The following CNTNAP2 variants were observed in gnomAD, a reference collection of about 807,000 sequenced individuals.
The protein encoded by CNTNAP2 is contactin associated protein 2.
CNTNAP2 carries 98 observed loss-of-function variants against 155.2 expected under a neutral mutation model. That is an observed-to-expected ratio of 0.63 (90% CI 0.54 to 0.75). The LOEUF is 0.75. Among genes scored for constraint, CNTNAP2 ranks in the 30% least tolerant of loss-of-function variants. The probability of loss-of-function intolerance (pLI) is 0.00; values close to 1 mark genes in which losing one functional copy is unlikely to be tolerated. For synonymous variants in CNTNAP2, 651 were observed against 631.2 expected (o/e 1.03, Z -0.47); for missense variants, 1,727 against 1,688.1 (o/e 1.02, Z -0.40).
At chr7:146,318,328 G>A (rs1008563375) in intron 1 of CNTNAP2, among the ~76,000 whole-genome samples, 13 of 151,966 alleles carry the variant, frequency 8.6e-5, no homozygotes, top group African/African-American at 2.7e-4. Context: ...AAAATAAAAA[G>A]CTTTCATCTT....
intron 1 of CNTNAP2, among the ~76,000 whole-genome samples, chr7:146,534,111 G>C (rs1243901886): frequency 6.6e-6 from 1 of 152,002 alleles, no homozygotes; most frequent in Non-Finnish European, 1.5e-5. Context: ...TCAAATGACT[G>C]ACTTGCTGCA....
Position 146,637,383 on chromosome 7 carries a change from A to G in CNTNAP2, c.98-136888A>G, listed in dbSNP as rs562185224. On this transcript the variant is annotated intron_variant, in intron 1 of 23. Transcript: ENST00000361727. The stretch of plus-strand genomic sequence containing the variant: ...TTGACAAGATATCTCTTAACATAAC[A>G]TGCATAGCCAAGTTCCTTGTGTCAC... 4.6e-5 allele frequency among the ~76,000 whole-genome samples: 7 copies of G among 152,334 alleles called. No homozygotes were observed. The South Asian group carries it at 1.4e-3, about 32-fold the overall frequency.
At chr7:146,872,763 A>G (rs1280242571) in intron 3 of CNTNAP2, among the ~76,000 whole-genome samples, 1 of 152,202 alleles carries the variant, frequency 6.6e-6, no homozygotes, top group Non-Finnish European at 1.5e-5. Context: ...CAAATTGTTC[A>G]AGGAAGTTCT....
intron 3 of CNTNAP2, among the ~76,000 whole-genome samples, chr7:146,878,726 G>A (rs927869739): frequency 4.6e-5 from 7 of 151,744 alleles, no homozygotes; most frequent in African/African-American, 9.7e-5. Context: ...CAGCTTTCTC[G>A]CTGCTTCTCA....
At chr7:146,132,619 T>A (rs1409516811) in intron 1 of CNTNAP2, among the ~76,000 whole-genome samples, 6 of 139,264 alleles carry the variant, frequency 4.3e-5, no homozygotes, top group Non-Finnish European at 9.1e-5. Context: ...CCTGTGTCCA[T>A]GTGATCTCAT....
At chr7:148,354,740 C>G (rs929471494) in intron 21 of CNTNAP2, among the ~76,000 whole-genome samples, 1 of 151,598 alleles carries the variant, frequency 6.6e-6, no homozygotes, top group Admixed American at 6.6e-5. Context: ...CTGAAAATAA[C>G]CCAACTTTCT....
intron 1 of CNTNAP2, among the ~76,000 whole-genome samples, chr7:146,678,936 A>G (rs1315618842): frequency 6.6e-6 from 1 of 152,202 alleles, no homozygotes; most frequent in African/African-American, 2.4e-5. Flanking sequence ...TATAAAATTT[A>G]TGGCAACTTG....
chr7:147,067,811 A>G (rs1319066290), intron 4 of CNTNAP2, among the ~76,000 whole-genome samples: 3 of 152,200 alleles, frequency 2.0e-5, no homozygotes, highest in African/African-American at 7.2e-5. Flanking sequence ...TGCCACACTT[A>G]CCTAATCCTC....
intron 13 of CNTNAP2, among the ~76,000 whole-genome samples, chr7:147,791,207 C>A (rs78002801): frequency 0.012 from 1,874 of 152,090 alleles, 22 homozygotes; most frequent in Non-Finnish European, 0.021. Context: ...TCAGTAAAGC[C>A]AGTTTCTCCT....
At chr7:147,085,892 C>T (rs745538022) in intron 4 of CNTNAP2, 6 of 152,112 alleles carry the variant, frequency 3.9e-5, no homozygotes, top group Non-Finnish European at 8.8e-5. Context: ...CCTGTGTGTT[C>T]CTGTAGAAAT....
intron 1 of CNTNAP2, among the ~76,000 whole-genome samples, chr7:146,341,521 A>G (rs10260495): frequency 0.12 from 18,261 of 152,138 alleles, 2,046 homozygotes; most frequent in African/African-American, 0.3. Flanking sequence ...AACAGTTGCG[A>G]CAATTTTGTG....
Position 147,437,033 on chromosome 7 carries a change from G to C in CNTNAP2, c.1670+41253G>C, listed in dbSNP as rs1003339595. Reference sequence around the variant, plus strand: ...GGGACCTAGAGTCAGGAGGAAGCCTGTATAAAGTTTAGTCCAGCTGAGGGA... The same window carrying C: ...GGGACCTAGAGTCAGGAGGAAGCCTCTATAAAGTTTAGTCCAGCTGAGGGA... On this transcript the variant is annotated intron_variant, in intron 10 of 23. Transcript: ENST00000361727. Among the ~76,000 whole-genome samples the C allele has an allele frequency of 2.6e-5, 4 of 152,002 alleles. No homozygotes were observed. The East Asian group carries it at 5.8e-4, about 22-fold the overall frequency.
At chr7:148,249,346 C>A (rs912162099) in intron 20 of CNTNAP2, among the ~76,000 whole-genome samples, 6 of 152,144 alleles carry the variant, frequency 3.9e-5, no homozygotes, top group African/African-American at 1.4e-4. Flanking sequence ...TGTCCTCCTT[C>A]TCCCTCATGG....
intron 14 of CNTNAP2, among the ~76,000 whole-genome samples, chr7:147,963,170 C>A (rs1341722032): frequency 6.6e-6 from 1 of 152,080 alleles, no homozygotes; most frequent in Non-Finnish European, 1.5e-5. Context: ...AGTATTACAT[C>A]ACTAGAGTTA....
intron 1 of CNTNAP2, among the ~76,000 whole-genome samples, chr7:146,732,816 A>G (rs974158): frequency 0.17 from 26,574 of 152,060 alleles, 2,577 homozygotes; most frequent in African/African-American, 0.24. Context: ...TCTCTAGATT[A>G]CTTGTAATAC....
chr7:147,484,314 A>C (rs1343070910), intron 10 of CNTNAP2, among the ~76,000 whole-genome samples: 2 of 151,874 alleles, frequency 1.3e-5, no homozygotes, highest in Non-Finnish European at 1.5e-5. Flanking sequence ...TCTTCCTCTC[A>C]TTTTCTTCTC....
chr7:146,475,879 T>C (rs886196165), intron 1 of CNTNAP2, among the ~76,000 whole-genome samples: 1 of 152,100 alleles, frequency 6.6e-6, no homozygotes, highest in African/African-American at 2.4e-5. Context: ...ACATGAAAAG[T>C]AGAAGTCACA....
At chr7:146,714,486 C>A (rs1464253939) in intron 1 of CNTNAP2, among the ~76,000 whole-genome samples, 1 of 152,304 alleles carries the variant, frequency 6.6e-6, no homozygotes, top group East Asian at 1.9e-4. Context: ...TATTTCATAT[C>A]TAAACCTCAG....
At chr7:146,910,869 A>C (rs1796258582) in intron 3 of CNTNAP2, among the ~76,000 whole-genome samples, 1 of 150,828 alleles carries the variant, frequency 6.6e-6, no homozygotes, top group African/African-American at 2.5e-5. Context: ...TGAACAGGCA[A>C]CCTACAAAAT....
Sources: allele counts gnomAD v4.1 joint callset (sites outside exome capture counted in the v4.1 genomes callset), GRCh38; gene constraint gnomAD v4.1.1; transcripts MANE v1.5; gene names NCBI Gene and HGNC (gene_info 2026-07-23, HGNC 2026-07-21).